The following PPDPFL variants were observed in gnomAD, a reference collection of about 807,000 sequenced individuals.
PPDPFL encodes the protein pancreatic progenitor cell differentiation and proliferation factor like, also known as pancreatic progenitor cell differentiation and proliferation factor-like protein.
A neutral mutation model predicts 12.6 loss-of-function variants in PPDPFL; 12 were observed. The ratio of observed to expected loss-of-function variants is 0.95; its 90% confidence interval spans 0.61 to 1.54. The LOEUF (loss-of-function observed/expected upper bound fraction) is 1.54. Ranked by LOEUF, PPDPFL falls within the 40% of genes most tolerant of loss-of-function variation. PPDPFL has a pLI of 0.00. For synonymous variants in PPDPFL, 24 were observed against 32.7 expected, an observed-to-expected ratio of 0.73 and a Z score of 0.91; for missense variants, 114 against 96.0, an observed-to-expected ratio of 1.19 and a Z score of -0.78.
upstream of PPDPFL, among the ~76,000 whole-genome samples, chr8:49,069,033 A>G (rs1043064238): frequency 2.8e-4 from 43 of 152,344 alleles, 1 homozygote; most frequent in African/African-American, 1.0e-3. Flanking sequence ...GATATACTTT[A>G]TGATTACTCA....
intron 1 of PPDPFL, among the ~76,000 whole-genome samples, chr8:49,059,958 G>C (rs116283915): frequency 6.6e-6 from 1 of 151,980 alleles, no homozygotes; most frequent in Non-Finnish European, 1.5e-5. Context: ...AAACCATTCC[G>C]GGCTTTGGAC....
chr8:49,071,039 A>G (rs971458258), upstream of PPDPFL, among the ~76,000 whole-genome samples: 2 of 152,078 alleles, frequency 1.3e-5, no homozygotes, highest in Admixed American at 1.3e-4. Context: ...TGACTCCCCG[A>G]TCTCCCTGCC....
At chr8:49,063,460 C>T (rs890065759) in intron 1 of PPDPFL, among the ~76,000 whole-genome samples, 14 of 152,300 alleles carry the variant, frequency 9.2e-5, no homozygotes, top group African/African-American at 3.4e-4. Context: ...TGTCTCATGC[C>T]TGTAGTCCCA....
intron 2 of PPDPFL, among the ~76,000 whole-genome samples, chr8:49,073,716 A>G (rs1183941679): frequency 6.6e-6 from 1 of 152,164 alleles, no homozygotes; most frequent in Admixed American, 6.5e-5. Context: ...CATATATGTA[A>G]TATTTCTAAT....
chr8:49,074,136 G>C lies in PPDPFL; in HGVS notation c.133G>C (p.Gly45Arg). 1 of 1,611,320 alleles carries C rather than the reference G, an allele frequency of 6.2e-7. No homozygotes were observed. The highest frequency in any genetic ancestry group is 8.5e-7 in the Non-Finnish European group (1 of 1,177,646). Residue 45 changes from glycine (G) to arginine (R), a missense_variant and splice_region_variant, in exon 3 of 5, where the codon GGG becomes CGG. Physicochemically the swap from Gly to Arg is moderately radical, Grantham distance 125. Coordinates refer to ENST00000522267, the MANE Select transcript of PPDPFL (RefSeq NM_001256597.2). ...NFIDDDKPQQ[G>R]LPEVAESTWW... Reference sequence around the variant, plus strand: ...CATAGATGACGACAAACCACAGCAAGGTACTTAGTTATTTCTTTCAGTGTC... The same window carrying C: ...CATAGATGACGACAAACCACAGCAACGTACTTAGTTATTTCTTTCAGTGTC...
chr8:49,067,679 G>A (rs1043634970), upstream of PPDPFL, among the ~76,000 whole-genome samples: 4 of 152,220 alleles, frequency 2.6e-5, no homozygotes, highest in East Asian at 7.7e-4. Flanking sequence ...TATCTTACAT[G>A]TGATAAACAG....
intron 2 of PPDPFL, 120 bp downstream of exon 2, chr8:49,073,005 C>A: frequency 3.3e-6 from 3 of 912,442 alleles, no homozygotes; most frequent in South Asian, 1.6e-5. Context: ...CTATTGGTGA[C>A]AATGAAGAAA....
chr8:49,074,732 T>C, intron 4 of PPDPFL: 3 of 1,452,518 alleles, frequency 2.1e-6, no homozygotes. Flanking sequence ...TTAGCTTCTG[T>C]GTGGTGCAAA....
upstream of PPDPFL, among the ~76,000 whole-genome samples, chr8:49,071,801 T>A (rs1808396651): frequency 2.0e-5 from 3 of 152,204 alleles, no homozygotes; most frequent in African/African-American, 7.2e-5. Context: ...ATTTCTCTTG[T>A]CATTCCTGCT....
chr8:49,069,915 C>T (rs1007095369), upstream of PPDPFL, among the ~76,000 whole-genome samples: 4 of 152,120 alleles, frequency 2.6e-5, no homozygotes, highest in South Asian at 2.1e-4. Context: ...GCCTGGGCAA[C>T]GGAGGGAGAC....
At chr8:49,071,423 TGAGGCGGGTGGATCAC>T (rs1291417441), upstream of PPDPFL, among the ~76,000 whole-genome samples, 1 of 151,844 alleles carries the variant, frequency 6.6e-6, no homozygotes, top group African/African-American at 2.4e-5. Context: ...TTTGGGAGGC[TGAGGCGGGTGGATCAC>T]GAGGTCAGGA....
intron 1 of PPDPFL, among the ~76,000 whole-genome samples, chr8:49,059,661 A>T (rs1279775626): frequency 6.6e-6 from 1 of 152,228 alleles, no homozygotes; most frequent in Non-Finnish European, 1.5e-5. Context: ...ATATGCGTGA[A>T]TATATATAGT....
intron 1 of PPDPFL, among the ~76,000 whole-genome samples, chr8:49,063,021 G>A (rs1260785973): frequency 6.6e-6 from 1 of 152,162 alleles, no homozygotes; most frequent in Non-Finnish European, 1.5e-5. Context: ...GGTTGTTCAT[G>A]CACTGTGGAA....
chr8:49,073,027 C>A, intron 2 of PPDPFL, 142 bp downstream of exon 2: 1 of 733,478 alleles, frequency 1.4e-6, no homozygotes, highest in South Asian at 1.8e-5. Flanking sequence ...CAGGAGGCCT[C>A]AGGGACTTCT....
intron 1 of PPDPFL, among the ~76,000 whole-genome samples, chr8:49,058,579 G>C (rs1326560965): frequency 6.6e-6 from 1 of 152,238 alleles, no homozygotes; most frequent in Admixed American, 6.5e-5. Flanking sequence ...ATGCTAATAT[G>C]ACAAGGATTG....
At chr8:49,061,189 G>A (rs1363429338) in intron 1 of PPDPFL, among the ~76,000 whole-genome samples, 1 of 152,102 alleles carries the variant, frequency 6.6e-6, no homozygotes, top group Non-Finnish European at 1.5e-5. Flanking sequence ...CTTATAATAG[G>A]ACTGGATTTG....
chr8:49,055,774 T>C (rs540612075), intron 1 of PPDPFL, among the ~76,000 whole-genome samples: 7 of 152,066 alleles, frequency 4.6e-5, no homozygotes, highest in Non-Finnish European at 7.4e-5. Context: ...AGAAAGACAC[T>C]AGATTCAATT....
At chr8:49,065,132 T>C (rs1186015615) in intron 1 of PPDPFL, among the ~76,000 whole-genome samples, 1 of 152,034 alleles carries the variant, frequency 6.6e-6, no homozygotes, top group Non-Finnish European at 1.5e-5. Context: ...AGTGTGACAG[T>C]ATTGAAAAAC....
At chr8:49,063,231 C>A (rs918045560) in intron 1 of PPDPFL, among the ~76,000 whole-genome samples, 1 of 152,144 alleles carries the variant, frequency 6.6e-6, no homozygotes, top group African/African-American at 2.4e-5. Context: ...TTCACATGGG[C>A]ACAATCCATG....
Sources: gnomAD v4.1 joint callset for allele counts (sites outside exome capture counted in the v4.1 genomes callset) on GRCh38, gnomAD v4.1.1 for gene constraint, MANE v1.5 for transcripts, NCBI Gene and HGNC (gene_info 2026-07-23, HGNC 2026-07-21) for gene names.